MYT1L: variants seen among roughly 807,000 people sequenced by gnomAD.
MYT1L encodes myelin transcription factor 1-like protein.
MYT1L carries 12 observed loss-of-function variants against 126.7 expected under a neutral mutation model. The ratio of observed to expected loss-of-function variants is 0.09; its 90% CI spans 0.06 to 0.15. The LOEUF (loss-of-function observed/expected upper bound fraction) is 0.15. Among genes scored for constraint, MYT1L ranks in the 10% least tolerant of loss-of-function variants. The pLI, the probability that MYT1L is intolerant of heterozygous loss-of-function variation, is 1.00. For missense variants in MYT1L, 979 were observed against 1,585.2 expected (o/e 0.62, Z 6.49); for synonymous variants, 541 against 604.2 (o/e 0.90, Z 1.53).
chr2:2,201,952 T>C (rs1366882114), intron 2 of MYT1L, among the ~76,000 whole-genome samples: 4 of 152,150 alleles, frequency 2.6e-5, no homozygotes, highest in Non-Finnish European at 5.9e-5. Context: ...AGTATAGAAC[T>C]CAGGATTAAG....
intron 3 of MYT1L, among the ~76,000 whole-genome samples, chr2:2,119,082 T>G: frequency 6.6e-6 from 1 of 152,258 alleles, no homozygotes; most frequent in East Asian, 1.9e-4. Context: ...CTGGTTGGGT[T>G]TGCATTTACA....
rs553382467 is a variant in MYT1L, at chr2:2,330,573, A to C, written c.-521+394T>G. Among the ~76,000 whole-genome samples the C allele has an allele frequency of 2.1e-3, 317 of 152,352 alleles. 3 individuals carry two copies. In the Middle Eastern group the frequency reaches 0.027, roughly 13 times the overall value. ...TTCTTACCATCAGGTAAATTCATCC[A>C]AAATAGCTAACATTTTAATTGCCTT... On this transcript the variant is annotated intron_variant, in intron 1 of 24. Transcript: ENST00000647738.
intron 3 of MYT1L, among the ~76,000 whole-genome samples, chr2:2,166,280 A>G (rs983347857): frequency 1.3e-5 from 2 of 152,170 alleles, no homozygotes; most frequent in African/African-American, 4.8e-5. Context: ...TTAAACAGGA[A>G]GCCCTCTTCA....
intron 8 of MYT1L, among the ~76,000 whole-genome samples, chr2:1,955,664 C>T (rs758003782): frequency 2.0e-5 from 3 of 152,194 alleles, no homozygotes; most frequent in Non-Finnish European, 4.4e-5. Flanking sequence ...AGAACGTTTG[C>T]TCCATGGTAT....
intron 2 of MYT1L, among the ~76,000 whole-genome samples, chr2:2,182,281 G>A (rs760441560): frequency 2.0e-5 from 3 of 152,164 alleles, no homozygotes; most frequent in Non-Finnish European, 4.4e-5. Flanking sequence ...TGTTAGAACA[G>A]TACCCATGCC....
chr2:1,858,978 T>G (rs1277026620), intron 18 of MYT1L, among the ~76,000 whole-genome samples: 1 of 152,188 alleles, frequency 6.6e-6, no homozygotes, highest in African/African-American at 2.4e-5. Context: ...GCGGCATGCC[T>G]GCTACTTGGA....
intron 1 of MYT1L, among the ~76,000 whole-genome samples, chr2:2,301,110 T>G (rs1245559160): frequency 6.6e-6 from 1 of 151,970 alleles, no homozygotes; most frequent in East Asian, 1.9e-4. Flanking sequence ...ACGTTCACAT[T>G]AATCCAAAGA....
rs958235279 is a variant in MYT1L, at chr2:1,848,661, G to A, written c.2774+2980C>T. ...TCCTACTTGCATTTCTGGCCACCAA[G>A]AGCCAACAGACCTTTAAGAGTTTCC... is the stretch of plus-strand genomic sequence containing the variant. On this transcript the variant is annotated intron_variant, in intron 19 of 24. Coordinates refer to ENST00000647738, the MANE Select transcript of MYT1L (RefSeq NM_001303052.2). This position sits in a 1 kb window ranked among gnomAD's most constrained non-coding sequence, Gnocchi z 4.8. Among the ~76,000 whole-genome samples the A allele has an allele frequency of 1.3e-5, 2 of 152,178 alleles. No homozygotes were observed. Among genetic ancestry groups the A allele is most frequent in the African/African-American group, 2.4e-5 (1 of 41,434 alleles).
At chr2:1,954,385 A>G (rs2058150321) in intron 8 of MYT1L, among the ~76,000 whole-genome samples, 1 of 152,212 alleles carries the variant, frequency 6.6e-6, no homozygotes, top group South Asian at 2.1e-4. Flanking sequence ...TATTGCCGAA[A>G]ACAAACACCA....
intron 3 of MYT1L, among the ~76,000 whole-genome samples, chr2:2,140,570 G>A (rs558743854): frequency 5.8e-4 from 88 of 151,834 alleles, no homozygotes; most frequent in African/African-American, 2.0e-3. Flanking sequence ...AAGTAGCTGG[G>A]ACTACAGGTG....
chr2:2,121,387 G>A (rs2080986934), intron 3 of MYT1L, among the ~76,000 whole-genome samples: 1 of 151,968 alleles, frequency 6.6e-6, no homozygotes, highest in African/African-American at 2.4e-5. Flanking sequence ...ATGTTGGCCA[G>A]GCTGGTCTTG....
At position 1,923,100 on chromosome 2, in the gene MYT1L, T is replaced by C. The variant is rs751293017; in HGVS notation, c.669A>G (p.Ser223=). 3.7e-6 allele frequency: 6 copies of C among 1,613,952 alleles called. No homozygotes were observed. In the East Asian group the frequency reaches 1.3e-4, roughly 36 times the overall value. ...TATTGGAGGTATTGCTGTTCATTTC[T>C]GACTCAGTCCTGGCCCGGTAGGCTG... is the stretch of plus-strand genomic sequence containing the variant. The part of the protein sequence containing the change: ...EDAAYRARTE[S]EMNSNTSNSL... The change falls in exon 10 of 25, where the codon TCA becomes TCG. Residue 223 remains serine, a synonymous_variant. Coordinates refer to ENST00000647738, the MANE Select transcript of MYT1L (RefSeq NM_001303052.2).
intron 3 of MYT1L, among the ~76,000 whole-genome samples, chr2:2,144,996 T>C (rs1160555982): frequency 6.6e-6 from 1 of 152,252 alleles, no homozygotes; most frequent in Non-Finnish European, 1.5e-5. Context: ...AAAATATCTC[T>C]GATCATGAAG....
chr2:2,214,771 G>T, intron 2 of MYT1L, among the ~76,000 whole-genome samples: 1 of 152,056 alleles, frequency 6.6e-6, no homozygotes, highest in East Asian at 1.9e-4. Context: ...ATAGTCACAC[G>T]GTAACAAAGA....
chr2:1,887,711 T>C lies in MYT1L; in HGVS notation c.2521-102A>G, dbSNP rs776988392. The C allele has an allele frequency of 4.5e-5, 61 of 1,358,266 alleles. No individual in the cohort carries two copies. The highest frequency in any genetic ancestry group is 1.4e-4 in the African/African-American group (10 of 69,080). The allele number at this position is 1,358,266 out of a possible 1,614,324, so 84.1% of individuals were successfully genotyped here. A position where few individuals can be genotyped will look rare whatever the true frequency, so the allele number is the denominator to read the frequency against. The stretch of plus-strand genomic sequence containing the variant: ...TGGGGTGGCCTCTACATCTTACACC[T>C]CTTTCTGCTGTACCTTTAAGATCCT... On this transcript the variant is annotated intron_variant, in intron 16 of 24. Transcript: ENST00000647738. The surrounding 1 kb of genome is among the most constrained non-coding windows in gnomAD (Gnocchi z 4.8).
intron 9 of MYT1L, among the ~76,000 whole-genome samples, chr2:1,939,915 G>T (rs2056442763): frequency 6.6e-6 from 1 of 152,250 alleles, no homozygotes; most frequent in Non-Finnish European, 1.5e-5. Context: ...CAGGAGTCAG[G>T]CCTCTCAGGT....
intron 3 of MYT1L, among the ~76,000 whole-genome samples, chr2:2,067,751 G>A (rs1308290945): frequency 2.0e-5 from 3 of 152,106 alleles, no homozygotes; most frequent in Admixed American, 6.5e-5. Flanking sequence ...CTTAAGGAAA[G>A]TGGAAGGTCA....
chr2:1,993,856 C>T (rs187218558), intron 5 of MYT1L, among the ~76,000 whole-genome samples: 1 of 152,288 alleles, frequency 6.6e-6, no homozygotes, highest in East Asian at 1.9e-4. Flanking sequence ...ATTTCCTGGC[C>T]CCCAGGGAGG....
chr2:1,981,169 G>A (rs1160660995), intron 5 of MYT1L, among the ~76,000 whole-genome samples: 1 of 152,178 alleles, frequency 6.6e-6, no homozygotes, highest in Non-Finnish European at 1.5e-5. Flanking sequence ...AATGTTTATA[G>A]CAACTAACCA....
Sources: allele counts gnomAD v4.1 joint callset (sites outside exome capture counted in the v4.1 genomes callset), GRCh38; gene constraint gnomAD v4.1.1; non-coding constraint Gnocchi (gnomAD v3.1); transcripts MANE v1.5; gene names NCBI Gene and HGNC (gene_info 2026-07-23, HGNC 2026-07-21).